The following STPG2 variants were observed in gnomAD, a reference collection of about 807,000 sequenced individuals.
The protein encoded by STPG2 is sperm-tail PG-rich repeat-containing protein 2.
In STPG2, 56 loss-of-function variants were observed where a neutral mutation model predicts 54.2. The observed-to-expected ratio is 1.03, with a 90% confidence interval of 0.83 to 1.29. The LOEUF (loss-of-function observed/expected upper bound fraction) is 1.29. Ranked by LOEUF, STPG2 falls within the 50% of genes most tolerant of loss-of-function variation. STPG2 has a pLI of 0.00. For missense variants in STPG2, 596 were observed against 544.9 expected, an observed-to-expected ratio of 1.09 and a Z score of -0.93; for synonymous variants, 200 against 181.8, an observed-to-expected ratio of 1.10 and a Z score of -0.81.
At chr4:98,141,969 G>A (rs4443293) in intron 1 of STPG2, among the ~76,000 whole-genome samples, 55,946 of 145,350 alleles carry the variant, frequency 0.38, 11,143 homozygotes, top group African/African-American at 0.44. Flanking sequence ...AAAACAGGAG[G>A]AAATGATGTT....
intron 5 of STPG2, among the ~76,000 whole-genome samples, chr4:98,006,981 C>G (rs538738683): frequency 1.3e-5 from 2 of 152,260 alleles, no homozygotes; most frequent in East Asian, 3.9e-4. Context: ...CAACTGCCCC[C>G]CAGATCCCTG....
intron 5 of STPG2, among the ~76,000 whole-genome samples, chr4:98,085,606 T>G (rs1738480927): frequency 6.6e-6 from 1 of 152,242 alleles, no homozygotes. Flanking sequence ...GCATTGTTCA[T>G]AATTTGATAA....
rs2149135757 is a variant in STPG2, at chr4:97,856,287, T to C, written c.1045-15355A>G. On this transcript the variant is annotated intron_variant, in intron 8 of 10. Coordinates refer to ENST00000295268, the MANE Select transcript of STPG2 (RefSeq NM_174952.3). ...TGGCTATTTTCATGATATTGATTCT[T>C]ATCCATGAGCATAGAATGTTTTTCC... Among the ~76,000 whole-genome samples the C allele has an allele frequency of 2.6e-5, 4 of 152,308 alleles. No individual in the cohort carries two copies. In the Middle Eastern group the frequency reaches 0.014, roughly 518 times the overall value.
chr4:97,522,278 G>A (rs978827733), intron 4 of STPG2, among the ~76,000 whole-genome samples: 3 of 152,050 alleles, frequency 2.0e-5, no homozygotes, highest in Non-Finnish European at 2.9e-5. Context: ...AGCATTGCTG[G>A]CATTATCATT....
At chr4:98,031,304 A>G (rs536174149) in intron 5 of STPG2, among the ~76,000 whole-genome samples, 5 of 152,312 alleles carry the variant, frequency 3.3e-5, no homozygotes, top group African/African-American at 1.2e-4. Flanking sequence ...ATTCTAGAAG[A>G]TAACATTGGA....
intron 10 of STPG2, among the ~76,000 whole-genome samples, chr4:97,599,423 T>C (rs1241891475): frequency 6.6e-6 from 1 of 152,192 alleles, no homozygotes; most frequent in East Asian, 1.9e-4. Context: ...TATAAATCAT[T>C]CTACCATAAA....
intron 10 of STPG2, among the ~76,000 whole-genome samples, chr4:97,626,791 G>A (rs1734148858): frequency 1.3e-5 from 2 of 151,018 alleles, no homozygotes; most frequent in Admixed American, 6.6e-5. Context: ...TCTATGTACC[G>A]CATATTTTTT....
chr4:97,985,023 C>A (rs1734788686), intron 5 of STPG2, among the ~76,000 whole-genome samples: 1 of 149,374 alleles, frequency 6.7e-6, no homozygotes, highest in Non-Finnish European at 1.5e-5. Flanking sequence ...TGTATGTTTT[C>A]CTATTTTCCT....
intron 4 of STPG2, among the ~76,000 whole-genome samples, chr4:97,533,381 C>A (rs1370248943): frequency 6.6e-6 from 1 of 151,870 alleles, no homozygotes; most frequent in Non-Finnish European, 1.5e-5. Flanking sequence ...TAAAATTTAT[C>A]AAATTACATT....
At chr4:97,923,591 A>G (rs558295389) in intron 8 of STPG2, among the ~76,000 whole-genome samples, 96 of 152,248 alleles carry the variant, frequency 6.3e-4, no homozygotes, top group Admixed American at 1.0e-3. Context: ...ATCAATCAGC[A>G]CTCTGTGTCT....
intron 8 of STPG2, among the ~76,000 whole-genome samples, chr4:97,857,889 G>C (rs1428533504): frequency 1.3e-5 from 2 of 151,944 alleles, no homozygotes; most frequent in Non-Finnish European, 2.9e-5. Context: ...GTTGAAACAT[G>C]CAATTGAAAT....
chr4:97,989,845 T>C (rs1312069276), intron 5 of STPG2, among the ~76,000 whole-genome samples: 1 of 152,192 alleles, frequency 6.6e-6, no homozygotes, highest in African/African-American at 2.4e-5. Context: ...AGTTGAGAGA[T>C]TTCATCACAC....
At chr4:97,894,046 T>C (rs1730865542) in intron 8 of STPG2, among the ~76,000 whole-genome samples, 1 of 152,004 alleles carries the variant, frequency 6.6e-6, no homozygotes, top group Non-Finnish European at 1.5e-5. Flanking sequence ...ATATAGAGTA[T>C]AAAGGTCTAT....
chr4:98,115,677 A>G (rs1739496721), intron 3 of STPG2, among the ~76,000 whole-genome samples: 1 of 151,974 alleles, frequency 6.6e-6, no homozygotes, highest in African/African-American at 2.4e-5. Flanking sequence ...AGTATTAAAT[A>G]TTATTTCAAA....
chr4:97,864,380 C>G (rs1005902498), intron 8 of STPG2, among the ~76,000 whole-genome samples: 2 of 152,138 alleles, frequency 1.3e-5, no homozygotes, highest in African/African-American at 2.4e-5. Flanking sequence ...ATCCAACTTA[C>G]AAGGGACGTG....
chr4:97,648,731 C>T (rs2148951497), intron 10 of STPG2, among the ~76,000 whole-genome samples: 1 of 152,100 alleles, frequency 6.6e-6, no homozygotes, highest in Admixed American at 6.5e-5. Context: ...ATGCTGTTGA[C>T]AGATCAAGGA....
intron 9 of STPG2, among the ~76,000 whole-genome samples, chr4:97,737,666 A>G (rs4586948): frequency 0.84 from 127,614 of 152,076 alleles, 53,709 homozygotes; most frequent in Middle Eastern, 0.95. Context: ...AGAGAAAAAA[A>G]AATAAAAAGA....
rs192210796 is a variant in STPG2 at position 97,500,011 on chromosome 4, G to T, written c.462+212688C>A. Among the ~76,000 whole-genome samples the T allele has an allele frequency of 4.2e-3, 637 of 151,994 alleles. 3 individuals carry two copies. Among genetic ancestry groups the T allele is most frequent in the South Asian group, 0.02 (98 of 4,816 alleles). ...AAGCCATGGAGAGTTTCAAACACAG[G>T]ATACTCTTGATCTAACATATTTTAA... On this transcript the variant is annotated intron_variant, in intron 4 of 4. Transcript: ENST00000522676.
intron 5 of STPG2, among the ~76,000 whole-genome samples, chr4:98,060,728 A>G (rs899976919): frequency 1.4e-4 from 22 of 152,310 alleles, no homozygotes; most frequent in African/African-American, 4.8e-4. Flanking sequence ...ACATAGACCA[A>G]TGGAACAGAA....
Sources: allele counts gnomAD v4.1 joint callset (sites outside exome capture counted in the v4.1 genomes callset), GRCh38; gene constraint gnomAD v4.1.1; transcripts MANE v1.5; gene names NCBI Gene and HGNC (gene_info 2026-07-23, HGNC 2026-07-21).